ARHGAP26: variants seen among roughly 807,000 people sequenced by gnomAD.
The protein encoded by ARHGAP26 is rho GTPase-activating protein 26.
Under a neutral mutation model 104.8 loss-of-function variants are expected in ARHGAP26, and 38 were observed. The ratio of observed to expected loss-of-function variants is 0.36; its 90% CI spans 0.28 to 0.48. The LOEUF (loss-of-function observed/expected upper bound fraction) is 0.48, where lower values mean the gene tolerates loss of function less well. Ranked by LOEUF, ARHGAP26 falls within the 20% of genes least tolerant of loss-of-function variation. The probability of loss-of-function intolerance (pLI) is 0.99; values close to 1 mark genes in which losing one functional copy is unlikely to be tolerated. For missense variants in ARHGAP26, 704 were observed against 947.9 expected, an observed-to-expected ratio of 0.74 and a Z score of 3.38; for synonymous variants, 341 against 340.0, an observed-to-expected ratio of 1.00 and a Z score of -0.03.
intron 1 of ARHGAP26, among the ~76,000 whole-genome samples, chr5:142,841,090 T>G: frequency 6.6e-6 from 1 of 152,192 alleles, no homozygotes; most frequent in East Asian, 1.9e-4. Context: ...CTCTGCTTGA[T>G]TTCCTTTCCT....
chr5:143,025,059 A>C (rs190804690), intron 12 of ARHGAP26, among the ~76,000 whole-genome samples: 1 of 152,342 alleles, frequency 6.6e-6, no homozygotes. Context: ...TATTATCGGC[A>C]ATGATTAAAT....
intron 10 of ARHGAP26, among the ~76,000 whole-genome samples, chr5:142,915,068 A>T (rs1317909723): frequency 6.6e-6 from 1 of 152,196 alleles, no homozygotes; most frequent in East Asian, 1.9e-4. Flanking sequence ...TTTCATCTTC[A>T]GAAGTTTCCC....
chr5:143,206,849 C>T (rs151172013), intron 20 of ARHGAP26, among the ~76,000 whole-genome samples: 2 of 152,358 alleles, frequency 1.3e-5, no homozygotes, highest in Non-Finnish European at 1.5e-5. Context: ...TATAAGCTAG[C>T]CCTGCCTCAG....
intron 11 of ARHGAP26, among the ~76,000 whole-genome samples, chr5:143,012,249 T>C (rs973020644): frequency 6.6e-6 from 1 of 151,784 alleles, no homozygotes; most frequent in African/African-American, 2.4e-5. Context: ...TAAAATGGGA[T>C]GATTTGTTAT....
chr5:142,975,622 T>A (rs1772956216), intron 11 of ARHGAP26, among the ~76,000 whole-genome samples: 1 of 152,162 alleles, frequency 6.6e-6, no homozygotes, highest in African/African-American at 2.4e-5. Flanking sequence ...GCTTTGTTCT[T>A]TAGATGTTTC....
In ARHGAP26 at chr5:143,226,812, A is replaced by G. The variant is rs1368442378; in HGVS notation, c.*4366A>G. ...GAGAGGCAAAGAGAAAGAATGAACA[A>G]TCAAGTATTGACAGACTGGCATTAG... On this transcript the variant is annotated 3_prime_UTR_variant, in exon 23 of 23. Transcript: ENST00000645722. 3 of 223,906 alleles carry G rather than the reference A, an allele frequency of 1.3e-5. No homozygotes were observed. The highest frequency in any genetic ancestry group is 2.2e-5 in the African/African-American group (1 of 44,774). The allele number at this position is 223,906 out of a possible 1,614,324, so 13.9% of individuals were successfully genotyped here.
At chr5:143,041,007 A>G (rs1022898490) in intron 13 of ARHGAP26, among the ~76,000 whole-genome samples, 1 of 152,236 alleles carries the variant, frequency 6.6e-6, no homozygotes, top group East Asian at 1.9e-4. Flanking sequence ...TACTGGTTGA[A>G]GAATGGACAT....
At position 142,989,502 on chromosome 5, in the gene ARHGAP26, A is replaced by G. The variant is rs182201282; in HGVS notation, c.1108-24578A>G. Among the ~76,000 whole-genome samples, 388 of 152,252 alleles carry G rather than the reference A, an allele frequency of 2.5e-3. 1 individual carries two copies. Among genetic ancestry groups the G allele is most frequent in the African/African-American group, 8.8e-3 (366 of 41,542 alleles). ...TTAAGGTTAATATTGTTATGCATGAATTTGATCCTATCATGATGATGTTAG... is the reference window on the plus strand; with the variant it reads ...TTAAGGTTAATATTGTTATGCATGAGTTTGATCCTATCATGATGATGTTAG... On this transcript the variant is annotated intron_variant, in intron 11 of 22. Transcript: ENST00000645722.
rs1245345382 is a variant in ARHGAP26, at chr5:143,034,145, G to C, written c.1145-3051G>C. On this transcript the variant is annotated intron_variant, in intron 12 of 22. Transcript: ENST00000645722. ...GAAATTGGAACCCTCGTACATTGCG[G>C]GTAGGAATGAAAACTGGTGCAGCTG... Among the ~76,000 whole-genome samples the C allele has an allele frequency of 3.9e-5, 6 of 152,136 alleles. No homozygotes were observed. In the South Asian group the frequency reaches 1.0e-3, roughly 26 times the overall value.
chr5:142,790,876 C>G (rs539910382), intron 1 of ARHGAP26, among the ~76,000 whole-genome samples: 61 of 152,262 alleles, frequency 4.0e-4, no homozygotes, highest in South Asian at 1.7e-3. Flanking sequence ...CCATCCTTCC[C>G]CTTCTATCTC....
intron 20 of ARHGAP26, among the ~76,000 whole-genome samples, chr5:143,172,692 GT>G (rs1371970852): frequency 2.0e-4 from 30 of 152,290 alleles, no homozygotes; most frequent in African/African-American, 7.0e-4. Flanking sequence ...TTTTACTATG[GT>G]GCAACAAGGA....
intron 22 of ARHGAP26, among the ~76,000 whole-genome samples, chr5:143,219,859 T>C (rs539649029): frequency 1.9e-4 from 29 of 152,330 alleles, no homozygotes; most frequent in Admixed American, 3.3e-4. Flanking sequence ...CCGAAGCACA[T>C]GGTCTGGCAC....
intron 17 of ARHGAP26, among the ~76,000 whole-genome samples, chr5:143,106,330 T>C (rs1599038377): frequency 6.6e-6 from 1 of 152,112 alleles, no homozygotes; most frequent in Non-Finnish European, 1.5e-5. Context: ...AGCCACAGGG[T>C]GTTCGCATCA....
intron 1 of ARHGAP26, among the ~76,000 whole-genome samples, chr5:142,782,344 A>G (rs1757683054): frequency 6.6e-6 from 1 of 152,186 alleles, no homozygotes. Context: ...GTGGTATTTG[A>G]GGCCCTGGGA....
intron 20 of ARHGAP26, among the ~76,000 whole-genome samples, chr5:143,154,160 T>TAAAAAAAAAAAA (rs10650559): frequency 7.0e-6 from 1 of 142,474 alleles, no homozygotes; most frequent in African/African-American, 2.6e-5. Flanking sequence ...TTAAAAATAT[T>TAAAAAAAAAAAA]AAAAAAAAAA....
At chr5:142,952,166 T>C (rs915388501) in intron 11 of ARHGAP26, among the ~76,000 whole-genome samples, 9 of 152,220 alleles carry the variant, frequency 5.9e-5, no homozygotes, top group African/African-American at 1.9e-4. Flanking sequence ...AATTACACTT[T>C]TTTTTCCAAA....
At chr5:142,935,630 A>G (rs962156905) in intron 11 of ARHGAP26, among the ~76,000 whole-genome samples, 2 of 152,190 alleles carry the variant, frequency 1.3e-5, no homozygotes, top group Non-Finnish European at 2.9e-5. Flanking sequence ...TGGACTAACT[A>G]CTTGGTCCAG....
intron 20 of ARHGAP26, among the ~76,000 whole-genome samples, chr5:143,168,131 G>A (rs1802262184): frequency 6.6e-6 from 1 of 152,226 alleles, no homozygotes. Context: ...ACAGCAAACA[G>A]TGGGAAAAGG....
chr5:143,130,130 C>T (rs1195130299), intron 18 of ARHGAP26, among the ~76,000 whole-genome samples: 3 of 152,182 alleles, frequency 2.0e-5, no homozygotes, highest in Non-Finnish European at 2.9e-5. Flanking sequence ...CCAAGATCAG[C>T]CCAGGTTTGT....
Sources: gnomAD v4.1 joint callset for allele counts (sites outside exome capture counted in the v4.1 genomes callset) on GRCh38, gnomAD v4.1.1 for gene constraint, MANE v1.5 for transcripts, NCBI Gene and HGNC (gene_info 2026-07-23, HGNC 2026-07-21) for gene names.